ALG1L2: variants seen among roughly 807,000 people sequenced by gnomAD.
ALG1L2 encodes the protein ALG1 chitobiosyldiphosphodolichol beta-mannosyltransferase like 2.
ALG1L2 carries 32 observed loss-of-function variants against 29.0 expected under a neutral mutation model. The observed-to-expected ratio is 1.10, with a 90% CI of 0.83 to 1.48. ALG1L2 has a LOEUF of 1.48. Ranked by LOEUF, ALG1L2 falls within the 40% of genes most tolerant of loss-of-function variation. The pLI is 0.00. For synonymous variants in ALG1L2, 110 were observed against 109.5 expected (o/e 1.00, Z -0.03); for missense variants, 318 against 274.1 (o/e 1.16, Z -1.13).
chr3:130,094,188 C>T, intron 4 of ALG1L2: 1 of 595,204 alleles, frequency 1.7e-6, no homozygotes, highest in Non-Finnish European at 3.0e-6. Context: ...GTTGCAGGTG[C>T]AGGGCTATGC....
At chr3:130,083,701 T>A (rs535678611) in intron 1 of ALG1L2, among the ~76,000 whole-genome samples, 1 of 140,956 alleles carries the variant, frequency 7.1e-6, no homozygotes, top group Non-Finnish European at 1.6e-5. Context: ...AATGAAAGCA[T>A]CATGATAAAT....
chr3:130,084,482 T>C (rs1211924041), intron 1 of ALG1L2, among the ~76,000 whole-genome samples: 1 of 137,000 alleles, frequency 7.3e-6, no homozygotes, highest in African/African-American at 2.5e-5. Flanking sequence ...AGCAAATTAC[T>C]GAACCTCTCT....
chr3:130,083,658 C>CTTTTT (rs141314012), intron 1 of ALG1L2, among the ~76,000 whole-genome samples: 11 of 118,620 alleles, frequency 9.3e-5, no homozygotes, highest in East Asian at 2.2e-4. Context: ...AAAATGTTAA[C>CTTTTT]TTTTTTTTTA....
In ALG1L2 at chr3:130,093,154, A is replaced by T. The variant is rs1239984943; in HGVS notation, c.307A>T (p.Ile103Leu). 2 of 1,610,246 alleles carry T rather than the reference A, an allele frequency of 1.2e-6. No homozygotes were observed. Among genetic ancestry groups the T allele is most frequent in the Non-Finnish European group, 1.7e-6 (2 of 1,179,066 alleles). ...GAACCTTCCTTCTCTCGTCTGTGTG[A>T]TAACAGGTACTGCCTGGGACCCTGG... ...GQNLPSLVCV[I>L]TGKGPLREYY... Residue 103 changes from isoleucine to leucine, a missense_variant, in exon 4 of 8, where the codon ATA (isoleucine) becomes TTA (leucine). By Grantham distance (5) the Ile-to-Leu change is conservative (BLOSUM62 2). Transcript: ENST00000425059.
intron 4 of ALG1L2, among the ~76,000 whole-genome samples, chr3:130,093,486 G>A (rs1321089641): frequency 2.7e-5 from 4 of 150,918 alleles, no homozygotes; most frequent in Admixed American, 2.6e-4. Context: ...GGATGCAGTG[G>A]TGCGATCTCA....
Position 130,088,393 on chromosome 3 carries a change from A to G in ALG1L2, c.21-2868A>G, listed in dbSNP as rs553790764. On this transcript the variant is annotated intron_variant, in intron 1 of 7. Coordinates refer to ENST00000425059, the MANE Select transcript of ALG1L2 (RefSeq NM_001136152.1). ...GTCTTTCCCCTGCTGTTCCCATGAC[A>G]TTGAATAAGTCTCACAAGATCTAAT... Among the ~76,000 whole-genome samples, 5 of 152,424 alleles carry G rather than the reference A, an allele frequency of 3.3e-5. No homozygotes were observed. In the East Asian group the frequency reaches 9.6e-4, roughly 29 times the overall value.
intron 1 of ALG1L2, among the ~76,000 whole-genome samples, chr3:130,085,803 G>T (rs76331950): frequency 0.22 from 27,164 of 123,426 alleles, 974 homozygotes; most frequent in Admixed American, 0.26. Flanking sequence ...GACCAGTGAG[G>T]GGCAACCTGA....
At chr3:130,093,384 T>C (rs1459929685) in intron 4 of ALG1L2, among the ~76,000 whole-genome samples, 1 of 151,998 alleles carries the variant, frequency 6.6e-6, no homozygotes, top group Non-Finnish European at 1.5e-5. Context: ...AGCTTTCTAC[T>C]TTTTCAGTAG....
intron 5 of ALG1L2, among the ~76,000 whole-genome samples, 162 bp from the exon 6 acceptor site, chr3:130,095,887 G>A (rs1935118496): frequency 6.6e-6 from 1 of 152,220 alleles, no homozygotes; most frequent in Non-Finnish European, 1.5e-5. Flanking sequence ...TCCCAGCCAG[G>A]CCGTGTGGCT....
intron 5 of ALG1L2, among the ~76,000 whole-genome samples, chr3:130,094,908 G>A (rs530646256): frequency 7.2e-5 from 11 of 152,188 alleles, no homozygotes; most frequent in South Asian, 2.1e-4. Context: ...CTTTGCCTCC[G>A]TCTCTTTCCC....
rs929626843 is a variant in ALG1L2, at chr3:130,091,321, G to A, written c.81G>A (p.Gln27=). 6 of 1,598,082 alleles carry A rather than the reference G, an allele frequency of 3.8e-6. No homozygotes were observed. Among genetic ancestry groups the A allele is most frequent in the Non-Finnish European group, 5.1e-6 (6 of 1,179,784 alleles). The part of the protein sequence containing the change: ...SFFKEAPLDL[Q]HRLFMKLGST... Reference sequence around the variant, plus strand: ...TTAAAGAGGCACCTCTGGACCTGCAGCACCGGCTCTTCATGAAGCTGGGCA... The same window carrying A: ...TTAAAGAGGCACCTCTGGACCTGCAACACCGGCTCTTCATGAAGCTGGGCA... Residue 27 remains glutamine, a synonymous_variant, in exon 2 of 8, where the codon CAG becomes CAA. Coordinates refer to ENST00000425059, the MANE Select transcript of ALG1L2 (RefSeq NM_001136152.1).
intron 1 of ALG1L2, among the ~76,000 whole-genome samples, chr3:130,084,002 C>T (rs1934839424): frequency 1.3e-5 from 2 of 151,600 alleles, no homozygotes; most frequent in African/African-American, 2.4e-5. Flanking sequence ...GAAGGACCGG[C>T]TTTGTGAATC....
chr3:130,092,626 C>G (rs561532140), intron 3 of ALG1L2, among the ~76,000 whole-genome samples: 6 of 152,342 alleles, frequency 3.9e-5, no homozygotes, highest in African/African-American at 1.4e-4. Flanking sequence ...ACCAGGCCCT[C>G]AGGCTGAAAT....
chr3:130,083,819 T>G (rs548109253), intron 1 of ALG1L2, among the ~76,000 whole-genome samples: 2 of 133,916 alleles, frequency 1.5e-5, no homozygotes, highest in African/African-American at 5.1e-5. Flanking sequence ...CATCTTGCAC[T>G]GGGCCTTGCA....
chr3:130,089,055 T>G (rs1249105684), intron 1 of ALG1L2, among the ~76,000 whole-genome samples: 1 of 151,974 alleles, frequency 6.6e-6, no homozygotes, highest in Non-Finnish European at 1.5e-5. Context: ...GTATTGCTGG[T>G]GGGTCCTGTC....
intron 2 of ALG1L2, 22 bp from the exon 3 acceptor site, chr3:130,092,079 G>A: frequency 6.2e-7 from 1 of 1,612,558 alleles, no homozygotes; most frequent in Non-Finnish European, 8.5e-7. Flanking sequence ...GCCTCTCACA[G>A]GGTTTTTTTC....
rs971294591 is a variant in ALG1L2 at position 130,092,349 on chromosome 3, G to A, written c.253+127G>A. 3 of 1,599,218 alleles carry A rather than the reference G, an allele frequency of 1.9e-6. No homozygotes were observed. The Admixed American group carries it at 5.1e-5, about 27-fold the overall frequency. On this transcript the variant is annotated intron_variant, in intron 3 of 7. Coordinates refer to ENST00000425059, the MANE Select transcript of ALG1L2 (RefSeq NM_001136152.1). ...GGTCTCAGTGAGAAGGGGAGGGCGT[G>A]TGAGCTGGAAGAGTGGTGTCTAGAA... is the stretch of plus-strand genomic sequence containing the variant.
chr3:130,097,419 T>G (rs1467375886), intron 7 of ALG1L2, among the ~76,000 whole-genome samples, 169 bp downstream of exon 7: 1 of 152,110 alleles, frequency 6.6e-6, no homozygotes, highest in Non-Finnish European at 1.5e-5. Context: ...GCTGTCCCAT[T>G]TCGGTACAGT....
At chr3:130,091,511 C>G (rs144793473) in intron 2 of ALG1L2, 140 bp downstream of exon 2, 1 of 913,558 alleles carries the variant, frequency 1.1e-6, no homozygotes, top group Non-Finnish European at 1.7e-6. Context: ...TTTTGTAAAT[C>G]AAGTTTCACT....
Sources: allele counts gnomAD v4.1 joint callset (sites outside exome capture counted in the v4.1 genomes callset), GRCh38; gene constraint gnomAD v4.1.1; transcripts MANE v1.5; gene names NCBI Gene and HGNC (gene_info 2026-07-23, HGNC 2026-07-21).